Variants in SLC9C1 observed in about 807,000 individuals in gnomAD.
SLC9C1 encodes sodium/hydrogen exchanger 10.
Under a neutral mutation model 140.9 loss-of-function variants are expected in SLC9C1, and 97 were observed. That is an observed-to-expected ratio of 0.69 (90% CI 0.58 to 0.82). SLC9C1 has a LOEUF of 0.82. Among genes scored for constraint, SLC9C1 ranks in the 40% least tolerant of loss-of-function variants. The pLI is 0.00. For missense variants in SLC9C1, 1,340 were observed against 1,389.3 expected, an observed-to-expected ratio of 0.96 and a Z score of 0.56; for synonymous variants, 440 against 442.6, an observed-to-expected ratio of 0.99 and a Z score of 0.07.
At chr3:112,253,754 G>A (rs970196660) in intron 10 of SLC9C1, among the ~76,000 whole-genome samples, 2 of 152,116 alleles carry the variant, frequency 1.3e-5, no homozygotes, top group Non-Finnish European at 2.9e-5. Context: ...CTAGTTCTCC[G>A]ACATGGGTTC....
chr3:112,236,106 T>C (rs923628218), intron 12 of SLC9C1, among the ~76,000 whole-genome samples: 1 of 152,182 alleles, frequency 6.6e-6, no homozygotes, highest in Admixed American at 6.5e-5. Context: ...TCCTGGACTT[T>C]TTTTGGTTGG....
At chr3:112,268,531 A>T (rs527398454) in intron 7 of SLC9C1, among the ~76,000 whole-genome samples, 3 of 152,314 alleles carry the variant, frequency 2.0e-5, no homozygotes, top group African/African-American at 7.2e-5. Flanking sequence ...AAAAGAATCA[A>T]ATTTTCATAT....
At chr3:112,261,764 CA>C (rs1265292559) in intron 10 of SLC9C1, among the ~76,000 whole-genome samples, 1 of 151,980 alleles carries the variant, frequency 6.6e-6, no homozygotes, top group Non-Finnish European at 1.5e-5. Flanking sequence ...ATTTATTGTA[CA>C]ATTGCTATAT....
At position 112,202,522 on chromosome 3, in the gene SLC9C1, C is replaced by A. The variant is rs577719891; in HGVS notation, c.2173-123G>T. On this transcript the variant is annotated intron_variant, in intron 17 of 28. Transcript: ENST00000305815. ...GTGCCCTCAAAGGTAACTACAATAA[C>A]CTGTCAAGGTTCTTTGTTATTTTTT... 670 of 903,768 alleles carry A rather than the reference C, an allele frequency of 7.4e-4. 5 individuals are homozygous for A. The highest frequency in any genetic ancestry group is 1.3e-4 in the East Asian group (5 of 37,208). The allele number at this position is 903,768 out of a possible 1,614,324, so 56.0% of individuals were successfully genotyped here. A position where few individuals can be genotyped will look rare whatever the true frequency, so the allele number is the denominator to read the frequency against.
chr3:112,142,089 C>T (rs2074644258), intron 28 of SLC9C1, among the ~76,000 whole-genome samples: 1 of 152,132 alleles, frequency 6.6e-6, no homozygotes, highest in African/African-American at 2.4e-5. Context: ...GGATTAATCC[C>T]TAGAAGCATA....
chr3:112,165,629 A>C (rs2077111510), intron 26 of SLC9C1, among the ~76,000 whole-genome samples: 1 of 152,076 alleles, frequency 6.6e-6, no homozygotes, highest in African/African-American at 2.4e-5. Context: ...GTTCCTCTGG[A>C]AGTTTTGTCT....
intron 12 of SLC9C1, among the ~76,000 whole-genome samples, chr3:112,237,663 A>G (rs1017757607): frequency 1.3e-5 from 2 of 152,074 alleles, no homozygotes; most frequent in East Asian, 1.9e-4. Context: ...TGGTGACAAA[A>G]TCTCTCAGCA....
In SLC9C1 at chr3:112,156,234, T is replaced by C. The variant is rs77377646; in HGVS notation, c.3365-1185A>G. Among the ~76,000 whole-genome samples the C allele has an allele frequency of 2.3e-3, 346 of 152,248 alleles. 5 individuals carry two copies. Among genetic ancestry groups the C allele is most frequent in the African/African-American group, 7.9e-3 (329 of 41,552 alleles). On this transcript the variant is annotated intron_variant, in intron 26 of 28. Coordinates refer to ENST00000305815, the MANE Select transcript of SLC9C1 (RefSeq NM_183061.3). ...GATCCACTTTTTTAGTGCCCACATATGAATGAGAACATGTCGCATTTGTCT... is the reference window on the plus strand; with the variant it reads ...GATCCACTTTTTTAGTGCCCACATACGAATGAGAACATGTCGCATTTGTCT...
intron 23 of SLC9C1, among the ~76,000 whole-genome samples, chr3:112,175,906 A>C (rs1576274776): frequency 6.6e-6 from 1 of 152,272 alleles, no homozygotes; most frequent in East Asian, 1.9e-4. Context: ...GGCTGGCTGG[A>C]TTTCCAAGCC....
chr3:112,173,120 A>T (rs1347579950), intron 23 of SLC9C1, among the ~76,000 whole-genome samples: 1 of 152,172 alleles, frequency 6.6e-6, no homozygotes, highest in Non-Finnish European at 1.5e-5. Flanking sequence ...TGTAAGATTC[A>T]TATTATTTCT....
At chr3:112,179,792 C>A (rs2077405058) in intron 22 of SLC9C1, 91 bp from the exon 23 acceptor site, 8 of 1,028,316 alleles carry the variant, frequency 7.8e-6, no homozygotes, top group African/African-American at 1.7e-5. Flanking sequence ...TTGGTTTGAA[C>A]AATTCTAATA....
Position 112,151,883 on chromosome 3 carries a change from G to A in SLC9C1, c.3498C>T (p.Ser1166=). 19 of 1,612,336 alleles carry A rather than the reference G, an allele frequency of 1.2e-5. No homozygotes were observed. Among genetic ancestry groups the A allele is most frequent in the Non-Finnish European group, 1.6e-5 (19 of 1,179,496 alleles). The part of the protein sequence containing the change: ...LLGTKFNCKE[S]PRINLRKVRK... ...TGACTTTCCTTAGGTTTATTCTAGG[G>A]GACTCCTTACAGTTGAACTTTGTCC... Residue 1166 remains serine, a synonymous_variant, in exon 28 of 29, where the codon TCC becomes TCT. Transcript: ENST00000305815.
chr3:112,223,548 T>A (rs1000285870), intron 13 of SLC9C1, among the ~76,000 whole-genome samples: 1 of 136,522 alleles, frequency 7.3e-6, no homozygotes, highest in Non-Finnish European at 1.6e-5. Flanking sequence ...TTAGATACTT[T>A]TTGAAGTTAG....
chr3:112,246,785 T>A (rs1366660001), intron 10 of SLC9C1, among the ~76,000 whole-genome samples: 1 of 152,208 alleles, frequency 6.6e-6, no homozygotes. Context: ...TCAGCAGCAT[T>A]AATGGTGCCA....
chr3:112,168,233 T>C (rs2077175913), intron 25 of SLC9C1, among the ~76,000 whole-genome samples: 1 of 152,036 alleles, frequency 6.6e-6, no homozygotes, highest in Admixed American at 6.6e-5. Flanking sequence ...CTCTGAGTCC[T>C]CTTTGAATTA....
intron 26 of SLC9C1, among the ~76,000 whole-genome samples, chr3:112,161,689 T>G (rs2075304489): frequency 6.6e-6 from 1 of 152,074 alleles, no homozygotes; most frequent in African/African-American, 2.4e-5. Context: ...TAGTATAGTT[T>G]GAAGTCAGGT....
At chr3:112,251,199 A>T (rs954762228) in intron 10 of SLC9C1, among the ~76,000 whole-genome samples, 1 of 152,164 alleles carries the variant, frequency 6.6e-6, no homozygotes, top group Non-Finnish European at 1.5e-5. Context: ...ACTGGGATTC[A>T]TAAAGCAAAA....
chr3:112,208,334 A>C lies in SLC9C1; in HGVS notation c.1830T>G (p.Thr610=). ...FFRICHTIVF[T]EEFEHVGYLV... is the part of the protein sequence containing the mutation. ...GGTATCCAACATGTTCAAATTCCTC[A>C]GTAAATACTATTGTATGGCATATAC... The change falls in exon 16 of 29, where the codon ACT becomes ACG. Residue 610 remains threonine, a synonymous_variant. Coordinates refer to ENST00000305815, the MANE Select transcript of SLC9C1 (RefSeq NM_183061.3). 6.2e-7 allele frequency: 1 copy of C among 1,603,256 alleles called. No individual in the cohort carries two copies. Among genetic ancestry groups the C allele is most frequent in the East Asian group, 2.2e-5 (1 of 44,692 alleles).
At chr3:112,222,174 T>A (rs904022659) in intron 13 of SLC9C1, among the ~76,000 whole-genome samples, 1 of 152,094 alleles carries the variant, frequency 6.6e-6, no homozygotes, top group Admixed American at 6.6e-5. Flanking sequence ...AGATAAAAAT[T>A]GTAGTTTGAA....
Sources: gnomAD v4.1 joint callset for allele counts (sites outside exome capture counted in the v4.1 genomes callset) on GRCh38, gnomAD v4.1.1 for gene constraint, MANE v1.5 for transcripts, NCBI Gene and HGNC (gene_info 2026-07-23, HGNC 2026-07-21) for gene names.